Variants in BCAR3 observed in about 807,000 individuals in gnomAD.
BCAR3 encodes BCAR3 adaptor protein, NSP family member, also known as breast cancer anti-estrogen resistance protein 3.
A neutral mutation model predicts 80.1 loss-of-function variants in BCAR3; 37 were observed. That is an observed-to-expected ratio of 0.46 (90% CI 0.36 to 0.61). The LOEUF is 0.61. BCAR3 is among the 20% of genes least tolerant of loss of function. The pLI is 0.00. For missense variants in BCAR3, 978 were observed against 1,068.2 expected (o/e 0.92, Z 1.18); for synonymous variants, 389 against 418.9 (o/e 0.93, Z 0.87).
intron 2 of BCAR3, among the ~76,000 whole-genome samples, chr1:93,811,495 G>C (rs12407732): frequency 2.0e-5 from 3 of 152,080 alleles, no homozygotes; most frequent in South Asian, 2.1e-4. Flanking sequence ...TGCAAACACC[G>C]GGTCTCTTTC....
chr1:93,635,531 G>C (rs1043634372), intron 3 of BCAR3, among the ~76,000 whole-genome samples: 2 of 152,174 alleles, frequency 1.3e-5, no homozygotes, highest in Non-Finnish European at 2.9e-5. Context: ...AATAACTGTA[G>C]TAACACCGAA....
At chr1:93,629,248 G>T (rs777628063) in intron 3 of BCAR3, among the ~76,000 whole-genome samples, 1 of 152,224 alleles carries the variant, frequency 6.6e-6, no homozygotes, top group Admixed American at 6.5e-5. Flanking sequence ...CTGGGCACAC[G>T]CTGTCTCCCA....
intron 2 of BCAR3, among the ~76,000 whole-genome samples, chr1:93,796,518 G>A (rs956981678): frequency 2.0e-5 from 3 of 150,266 alleles, no homozygotes; most frequent in Admixed American, 2.0e-4. Flanking sequence ...TTCGGCTCGC[G>A]CACGGTGCGC....
intron 2 of BCAR3, among the ~76,000 whole-genome samples, chr1:93,666,633 G>T (rs931019476): frequency 2.0e-5 from 3 of 152,166 alleles, no homozygotes; most frequent in African/African-American, 7.2e-5. Context: ...TAATAAATAC[G>T]CATCGAAGAA....
At chr1:93,801,813 AT>A (rs1653489140) in intron 2 of BCAR3, among the ~76,000 whole-genome samples, 1 of 152,188 alleles carries the variant, frequency 6.6e-6, no homozygotes, top group Non-Finnish European at 1.5e-5. Context: ...GTAAGACCTT[AT>A]CTCCACAAAA....
chr1:93,711,894 A>G (rs1650040034), intron 2 of BCAR3, among the ~76,000 whole-genome samples: 1 of 152,154 alleles, frequency 6.6e-6, no homozygotes, highest in East Asian at 1.9e-4. Context: ...TGATGAAAAA[A>G]ATGCAATGCC....
chr1:93,636,833 A>G (rs1675794716), intron 3 of BCAR3, among the ~76,000 whole-genome samples: 1 of 152,184 alleles, frequency 6.6e-6, no homozygotes, highest in South Asian at 2.1e-4. Flanking sequence ...ATGGTGGCTC[A>G]TATCTGTGAT....
At chr1:93,699,361 C>A (rs1228711107) in intron 3 of BCAR3, among the ~76,000 whole-genome samples, 1 of 152,208 alleles carries the variant, frequency 6.6e-6, no homozygotes, top group Admixed American at 6.5e-5. Context: ...GCCAATCTCC[C>A]TACAGTCTTC....
intron 3 of BCAR3, among the ~76,000 whole-genome samples, chr1:93,632,618 G>A (rs1342267011): frequency 6.6e-6 from 1 of 152,138 alleles, no homozygotes; most frequent in Non-Finnish European, 1.5e-5. Context: ...AGTAGAATCT[G>A]TACTCAATCC....
Position 93,817,783 on chromosome 1 carries a change from C to T in BCAR3, c.-63+27784G>A, listed in dbSNP as rs372039188. 1.1e-4 allele frequency among the ~76,000 whole-genome samples: 17 copies of T among 152,012 alleles called. 1 individual carries two copies. The highest frequency in any genetic ancestry group is 1.9e-4 in the African/African-American group (8 of 41,412). On this transcript the variant is annotated intron_variant, in intron 2 of 13. Transcript: ENST00000370244. ...CTTTGATGGGCTACAGCTGACTAGC[C>T]CTGTTTACCCCCCCACATCCCTGCC...
chr1:93,572,353 G>A (rs1221484438), intron 8 of BCAR3, among the ~76,000 whole-genome samples: 3 of 152,228 alleles, frequency 2.0e-5, no homozygotes, highest in Admixed American at 1.3e-4. Context: ...GCAGGAAAGA[G>A]GAGGTAAGAA....
At chr1:93,822,923 T>C (rs1256463937) in intron 2 of BCAR3, among the ~76,000 whole-genome samples, 1 of 96,662 alleles carries the variant, frequency 1.0e-5, no homozygotes, top group Non-Finnish European at 2.5e-5. Context: ...GAGGCAACCA[T>C]GGAAATCCAG....
chr1:93,758,981 G>A (rs1401739059), intron 2 of BCAR3, among the ~76,000 whole-genome samples: 3 of 152,166 alleles, frequency 2.0e-5, no homozygotes, highest in Non-Finnish European at 2.9e-5. Flanking sequence ...CTAGCCAAGA[G>A]CATTCAGTGT....
intron 2 of BCAR3, among the ~76,000 whole-genome samples, chr1:93,743,722 T>C (rs1255714466): frequency 1.3e-5 from 2 of 152,250 alleles, no homozygotes; most frequent in Non-Finnish European, 2.9e-5. Flanking sequence ...AAGCTCATTC[T>C]TACCCAGCTA....
At chr1:93,678,162 G>A (rs895045316) in intron 1 of BCAR3, among the ~76,000 whole-genome samples, 13 of 152,178 alleles carry the variant, frequency 8.5e-5, no homozygotes, top group Middle Eastern at 3.2e-3. Flanking sequence ...ATCTCTGTGG[G>A]CGGGACATTA....
At chr1:93,703,215 C>T (rs144522754) in intron 3 of BCAR3, among the ~76,000 whole-genome samples, 1 of 152,154 alleles carries the variant, frequency 6.6e-6, no homozygotes, top group Non-Finnish European at 1.5e-5. Context: ...GCACTCCAAA[C>T]AGGAAAACAA....
intron 2 of BCAR3, among the ~76,000 whole-genome samples, chr1:93,831,556 T>C (rs1654566460): frequency 6.6e-6 from 1 of 152,080 alleles, no homozygotes; most frequent in Non-Finnish European, 1.5e-5. Flanking sequence ...TACACATTGG[T>C]CCCTCCCTAA....
At chr1:93,812,272 C>T (rs1276736024) in intron 2 of BCAR3, among the ~76,000 whole-genome samples, 1 of 152,158 alleles carries the variant, frequency 6.6e-6, no homozygotes. Context: ...TCCCCTTTCC[C>T]CAGGCCCTTC....
chr1:93,713,581 C>T (rs1351883188), intron 2 of BCAR3, among the ~76,000 whole-genome samples: 5 of 152,316 alleles, frequency 3.3e-5, no homozygotes, highest in Non-Finnish European at 7.3e-5. Context: ...GCAAGAGTTC[C>T]TTGCTGCTAA....
Sources: allele counts gnomAD v4.1 joint callset (sites outside exome capture counted in the v4.1 genomes callset), GRCh38; gene constraint gnomAD v4.1.1; transcripts MANE v1.5; gene names NCBI Gene and HGNC (gene_info 2026-07-23, HGNC 2026-07-21).